Variants in ARHGEF4 observed in about 807,000 individuals in gnomAD.
ARHGEF4 encodes the protein Rho guanine nucleotide exchange factor 4.
ARHGEF4 carries 119 observed loss-of-function variants against 162.0 expected under a neutral mutation model. That is an observed-to-expected ratio of 0.73 (90% CI 0.63 to 0.86). ARHGEF4 has a LOEUF of 0.86. ARHGEF4 is among the 40% of genes least tolerant of loss of function. The pLI is 0.00. For missense variants in ARHGEF4, 2,488 were observed against 2,456.0 expected (o/e 1.01, Z -0.28); for synonymous variants, 1,014 against 979.9 (o/e 1.03, Z -0.65).
chr2:130,964,546 G>A (rs914881309), intron 4 of ARHGEF4, among the ~76,000 whole-genome samples: 1 of 152,232 alleles, frequency 6.6e-6, no homozygotes, highest in Non-Finnish European at 1.5e-5. Context: ...AACTGATTAA[G>A]GTGAGACTAG....
intron 4 of ARHGEF4, among the ~76,000 whole-genome samples, chr2:130,999,873 G>A (rs950196352): frequency 3.3e-5 from 5 of 152,068 alleles, no homozygotes; most frequent in African/African-American, 9.7e-5. Flanking sequence ...TACCACACCT[G>A]GCTAATGTTT....
intron 2 of ARHGEF4, among the ~76,000 whole-genome samples, chr2:130,928,178 T>TA (rs1410561141): frequency 6.6e-6 from 1 of 152,218 alleles, no homozygotes; most frequent in Non-Finnish European, 1.5e-5. Flanking sequence ...TTTGTGGAGC[T>TA]AATTGGCTAG....
intron 1 of ARHGEF4, among the ~76,000 whole-genome samples, chr2:130,880,863 A>G (rs1487684769): frequency 6.6e-6 from 1 of 151,784 alleles, no homozygotes; most frequent in Non-Finnish European, 1.5e-5. Flanking sequence ...ATGGAAGGCA[A>G]CACAGCACAG....
intron 4 of ARHGEF4, among the ~76,000 whole-genome samples, chr2:130,966,308 TA>T (rs1310495701): frequency 6.6e-6 from 1 of 152,224 alleles, no homozygotes; most frequent in Non-Finnish European, 1.5e-5. Context: ...TGGTCAGAAT[TA>T]ACTGTGCCTA....
intron 4 of ARHGEF4, among the ~76,000 whole-genome samples, chr2:130,999,403 G>A (rs35422036): frequency 0.065 from 9,903 of 151,960 alleles, 341 homozygotes; most frequent in Admixed American, 0.1. Flanking sequence ...TGATCCGCCC[G>A]CCTTGGCCTC....
intron 13 of ARHGEF4, chr2:131,045,683 G>A: frequency 6.8e-7 from 1 of 1,474,016 alleles, no homozygotes; most frequent in African/African-American, 1.4e-5. Context: ...CAGGGCCATT[G>A]GTGACAATGC....
chr2:130,900,443 G>A (rs1680419621), intron 1 of ARHGEF4, among the ~76,000 whole-genome samples: 1 of 152,114 alleles, frequency 6.6e-6, no homozygotes, highest in Non-Finnish European at 1.5e-5. Flanking sequence ...TTGTCCTTAA[G>A]GTCACTGATT....
intron 4 of ARHGEF4, among the ~76,000 whole-genome samples, chr2:130,983,974 A>G (rs1273074250): frequency 1.3e-5 from 2 of 152,188 alleles, no homozygotes; most frequent in Non-Finnish European, 2.9e-5. Flanking sequence ...TTATAAGCCA[A>G]TTTGGTAGAC....
chr2:130,931,433 T>C (rs1412552195), intron 3 of ARHGEF4, among the ~76,000 whole-genome samples, 176 bp downstream of exon 3: 1 of 152,150 alleles, frequency 6.6e-6, no homozygotes, highest in Non-Finnish European at 1.5e-5. Context: ...GTCGAGGGCC[T>C]GCAAGAGAGA....
chr2:130,868,882 G>A (rs1231241127), intron 1 of ARHGEF4, among the ~76,000 whole-genome samples: 2 of 152,172 alleles, frequency 1.3e-5, no homozygotes, highest in African/African-American at 2.4e-5. Context: ...TCCAGTGGCC[G>A]CCTACATTCC....
At chr2:130,837,015 T>TGGAA in intron 1 of ARHGEF4, 23 bp downstream of exon 1, 3 of 1,226,758 alleles carry the variant, frequency 2.4e-6, no homozygotes, top group Non-Finnish European at 3.0e-6. Flanking sequence ...GTCCGGGACT[T>TGGAA]GCGGTCGGGC....
intron 1 of ARHGEF4, among the ~76,000 whole-genome samples, chr2:130,854,721 T>C (rs1195426841): frequency 6.6e-6 from 1 of 152,058 alleles, no homozygotes; most frequent in Non-Finnish European, 1.5e-5. Context: ...AGGCAACCAG[T>C]GCCAGCTGGT....
chr2:131,029,949 G>A (rs888951185), intron 5 of ARHGEF4, among the ~76,000 whole-genome samples: 1 of 152,238 alleles, frequency 6.6e-6, no homozygotes, highest in Admixed American at 6.5e-5. Context: ...TGTGGGGCAT[G>A]GAGCACTGAG....
At chr2:130,940,421 G>A (rs1025468367) in intron 3 of ARHGEF4, among the ~76,000 whole-genome samples, 2 of 151,782 alleles carry the variant, frequency 1.3e-5, no homozygotes, top group African/African-American at 4.8e-5. Context: ...TCAGCCTCCC[G>A]AATAGCTGGG....
intron 4 of ARHGEF4, among the ~76,000 whole-genome samples, chr2:130,988,848 T>TTGTGTG (rs1167521372): frequency 5.9e-5 from 8 of 136,202 alleles, no homozygotes; most frequent in African/African-American, 2.3e-4. Context: ...CCACATATAT[T>TTGTGTG]TGTGTGTGTG....
At chr2:130,867,006 G>A (rs1682324450) in intron 1 of ARHGEF4, among the ~76,000 whole-genome samples, 1 of 152,130 alleles carries the variant, frequency 6.6e-6, no homozygotes, top group South Asian at 2.1e-4. Flanking sequence ...AGTGCTTTCA[G>A]TTTTTGAATG....
intron 6 of ARHGEF4, chr2:131,039,370 A>G (rs1311088902): frequency 3.7e-6 from 4 of 1,091,540 alleles, no homozygotes; most frequent in Non-Finnish European, 4.4e-6. Flanking sequence ...CCTCACACAC[A>G]GCCCCGGGAG....
At chr2:130,860,788 A>G (rs1372244923) in intron 1 of ARHGEF4, among the ~76,000 whole-genome samples, 1 of 97,258 alleles carries the variant, frequency 1.0e-5, no homozygotes, top group Non-Finnish European at 1.8e-5. Context: ...TAAAAAAGAC[A>G]TAAGATTATA....
At chr2:130,889,762 A>G (rs181004846) in intron 1 of ARHGEF4, among the ~76,000 whole-genome samples, 2 of 149,362 alleles carry the variant, frequency 1.3e-5, no homozygotes, top group Admixed American at 6.8e-5. Context: ...CAGTGAGCCA[A>G]GATCGAGCCA....
Sources: allele counts gnomAD v4.1 joint callset (sites outside exome capture counted in the v4.1 genomes callset), GRCh38; gene constraint gnomAD v4.1.1; transcripts MANE v1.5; gene names NCBI Gene and HGNC (gene_info 2026-07-23, HGNC 2026-07-21).